GAS2: variants seen among roughly 807,000 people sequenced by gnomAD.
The protein encoded by GAS2 is growth arrest-specific protein 2.
A neutral mutation model predicts 37.5 loss-of-function variants in GAS2; 20 were observed. The observed-to-expected ratio is 0.53, with a 90% CI of 0.37 to 0.77. GAS2 has a LOEUF of 0.77. Ranked by LOEUF, GAS2 falls within the 30% of genes least tolerant of loss-of-function variation. The pLI is 0.00. For synonymous variants in GAS2, 144 were observed against 132.2 expected (o/e 1.09, Z -0.61); for missense variants, 336 against 373.4 (o/e 0.90, Z 0.82).
chr11:22,756,383 G>A (rs1041006895), intron 7 of GAS2, among the ~76,000 whole-genome samples: 1 of 152,014 alleles, frequency 6.6e-6, no homozygotes, highest in African/African-American at 2.4e-5. Flanking sequence ...GCTGCTTTAT[G>A]GTTTAGTCAT....
At chr11:22,760,692 A>G (rs1012870170) in intron 7 of GAS2, among the ~76,000 whole-genome samples, 4 of 152,206 alleles carry the variant, frequency 2.6e-5, no homozygotes, top group African/African-American at 9.6e-5. Flanking sequence ...TGTAGAAATG[A>G]TTAGGATAAA....
chr11:22,711,450 A>G (rs979835969), intron 3 of GAS2, among the ~76,000 whole-genome samples: 1 of 152,166 alleles, frequency 6.6e-6, no homozygotes, highest in African/African-American at 2.4e-5. Context: ...ACTTTGTAAT[A>G]ATTTCGACTG....
chr11:22,715,403 G>A (rs1295711079), intron 3 of GAS2, among the ~76,000 whole-genome samples: 3 of 132,452 alleles, frequency 2.3e-5, no homozygotes, highest in African/African-American at 8.2e-5. Flanking sequence ...GGAGGTTGCA[G>A]TGAGCTGAGA....
At chr11:22,785,304 T>G (rs1855768850) in intron 7 of GAS2, among the ~76,000 whole-genome samples, 1 of 152,138 alleles carries the variant, frequency 6.6e-6, no homozygotes, top group African/African-American at 2.4e-5. Context: ...TTTCCATTCA[T>G]CCTGGGTGAA....
At chr11:22,729,529 T>C (rs2134181988) in intron 4 of GAS2, among the ~76,000 whole-genome samples, 1 of 151,986 alleles carries the variant, frequency 6.6e-6, no homozygotes, top group East Asian at 1.9e-4. Flanking sequence ...TATGACATTC[T>C]TTAGAGATAA....
chr11:22,772,446 C>T (rs1365353887), intron 7 of GAS2, among the ~76,000 whole-genome samples: 1 of 152,010 alleles, frequency 6.6e-6, no homozygotes, highest in African/African-American at 2.4e-5. Flanking sequence ...TTTTGTTTTA[C>T]TTTTCATCAG....
chr11:22,726,726 T>C (rs137921920), intron 4 of GAS2, among the ~76,000 whole-genome samples: 76 of 152,144 alleles, frequency 5.0e-4, no homozygotes, highest in African/African-American at 1.8e-3. Context: ...TGGTGCAAAA[T>C]TGTGGATATT....
rs189970580 is a variant in GAS2 at position 22,727,884 on chromosome 11, T to A, written c.409+1451T>A. On this transcript the variant is annotated intron_variant, in intron 4 of 7. Transcript: ENST00000454584. Reference sequence around the variant, plus strand: ...ATAGGAAGGGGGTGTAAAAGAATTATTTGCACAAACAATTAAATAAAATTG... The same window carrying A: ...ATAGGAAGGGGGTGTAAAAGAATTAATTGCACAAACAATTAAATAAAATTG... 2.6e-5 allele frequency among the ~76,000 whole-genome samples: 4 copies of A among 152,084 alleles called. No individual in the cohort carries two copies. The East Asian group carries it at 7.7e-4, about 29-fold the overall frequency.
intron 7 of GAS2, among the ~76,000 whole-genome samples, chr11:22,802,802 G>A (rs1183995748): frequency 6.6e-6 from 1 of 152,100 alleles, no homozygotes; most frequent in Non-Finnish European, 1.5e-5. Context: ...CAGTCAATAA[G>A]AATGGTTCTG....
intron 3 of GAS2, among the ~76,000 whole-genome samples, chr11:22,700,348 C>T (rs1001798386): frequency 6.6e-6 from 1 of 152,006 alleles, no homozygotes; most frequent in Non-Finnish European, 1.5e-5. Flanking sequence ...AGACTTTATT[C>T]TCATTAAGTT....
chr11:22,763,703 T>A (rs1340752147), intron 7 of GAS2, among the ~76,000 whole-genome samples: 1 of 151,998 alleles, frequency 6.6e-6, no homozygotes, highest in Non-Finnish European at 1.5e-5. Flanking sequence ...GATGCCATTT[T>A]AAAATTATAT....
chr11:22,646,634 G>T lies in GAS2; in HGVS notation c.-21+20821G>T, dbSNP rs1848698225. Among the ~76,000 whole-genome samples, 4 of 152,160 alleles carry T rather than the reference G, an allele frequency of 2.6e-5. No homozygotes were observed. The South Asian group carries it at 6.2e-4, about 24-fold the overall frequency. ...AAAACAAAAATCTATTTTGAGAAAG[G>T]CACGGTATTTTAGAAACAGAGAGCC... On this transcript the variant is annotated intron_variant, in intron 1 of 5. Transcript: ENST00000528582.
chr11:22,690,165 G>T (rs1317489415), intron 3 of GAS2, among the ~76,000 whole-genome samples: 1 of 151,970 alleles, frequency 6.6e-6, no homozygotes, highest in Non-Finnish European at 1.5e-5. Context: ...AGTTATGCCT[G>T]GTATGTGTGA....
intron 1 of GAS2, among the ~76,000 whole-genome samples, chr11:22,632,380 G>C (rs1340821883): frequency 6.6e-6 from 1 of 152,132 alleles, no homozygotes. Context: ...TAGGACCATA[G>C]CCCTTTCTGG....
chr11:22,649,790 TA>T (rs1848750029), intron 1 of GAS2, among the ~76,000 whole-genome samples: 1 of 151,902 alleles, frequency 6.6e-6, no homozygotes, highest in African/African-American at 2.4e-5. Context: ...TTATTGCGTC[TA>T]TTTGATTCTT....
intron 3 of GAS2, among the ~76,000 whole-genome samples, chr11:22,698,292 A>G (rs2134007903): frequency 6.6e-6 from 1 of 152,292 alleles, no homozygotes; most frequent in Middle Eastern, 3.4e-3. Flanking sequence ...ATTCCTCAAC[A>G]CAGTCACCCT....
chr11:22,647,359 T>A (rs1848710268), intron 1 of GAS2, among the ~76,000 whole-genome samples: 1 of 152,276 alleles, frequency 6.6e-6, no homozygotes, highest in East Asian at 1.9e-4. Flanking sequence ...TCTTTGCTAT[T>A]GTGAATAATG....
intron 7 of GAS2, among the ~76,000 whole-genome samples, chr11:22,801,902 G>T (rs1856679430): frequency 1.3e-5 from 2 of 151,954 alleles, no homozygotes; most frequent in South Asian, 4.1e-4. Context: ...ATATGAAGAG[G>T]TTTTCTAATT....
chr11:22,771,141 CATG>C (rs771727559), intron 7 of GAS2, among the ~76,000 whole-genome samples: 2 of 151,604 alleles, frequency 1.3e-5, no homozygotes, highest in Non-Finnish European at 2.9e-5. Context: ...TTGTTTTTCC[CATG>C]ATACTTTTGA....
Sources: allele counts gnomAD v4.1 joint callset (sites outside exome capture counted in the v4.1 genomes callset), GRCh38; gene constraint gnomAD v4.1.1; transcripts MANE v1.5; gene names NCBI Gene and HGNC (gene_info 2026-07-23, HGNC 2026-07-21).